ADAMTS17: variants seen among roughly 807,000 people sequenced by gnomAD.
The protein encoded by ADAMTS17 is A disintegrin and metalloproteinase with thrombospondin motifs 17.
In ADAMTS17, 113 loss-of-function variants were observed where a neutral mutation model predicts 141.5. The observed-to-expected ratio is 0.80, with a 90% confidence interval of 0.69 to 0.93. The LOEUF (loss-of-function observed/expected upper bound fraction) is 0.93, where lower values mean the gene tolerates loss of function less well. Among genes scored for constraint, ADAMTS17 ranks in the 40% least tolerant of loss-of-function variants. The pLI is 0.00. For synonymous variants in ADAMTS17, 768 were observed against 630.6 expected (o/e 1.22, Z -3.27); for missense variants, 1,659 against 1,517.9 (o/e 1.09, Z -1.54).
chr15:100,157,531 A>G (rs575870126), intron 8 of ADAMTS17, among the ~76,000 whole-genome samples: 1 of 152,216 alleles, frequency 6.6e-6, no homozygotes, highest in African/African-American at 2.4e-5. Flanking sequence ...CGTGGTCTGG[A>G]CTGCTATCAA....
Position 100,049,078 on chromosome 15 carries a change from G to C in ADAMTS17, c.2456-86C>G, listed in dbSNP as rs901274054. The C allele has an allele frequency of 9.4e-6, 15 of 1,600,410 alleles. No individual in the cohort carries two copies. In the African/African-American group the frequency reaches 1.3e-4, roughly 14 times the overall value. ...CTTGCATGCCCATGAAAGCATGTTT[G>C]GGTGCTGCTGATGGTCACTTGGTCA... On this transcript the variant is annotated intron_variant, in intron 17 of 21. Coordinates refer to ENST00000268070, the MANE Select transcript of ADAMTS17 (RefSeq NM_139057.4).
At chr15:100,304,831 C>T (rs1475636625) in intron 3 of ADAMTS17, among the ~76,000 whole-genome samples, 1 of 152,220 alleles carries the variant, frequency 6.6e-6, no homozygotes. Context: ...CCACCCAAGA[C>T]AGCAAGACCA....
At chr15:100,128,377 G>A (rs564843086) in intron 12 of ADAMTS17, 1 of 152,334 alleles carries the variant, frequency 6.6e-6, no homozygotes, top group African/African-American at 2.4e-5. Context: ...GAATGCTGCA[G>A]GCTCTTTCTG....
chr15:99,976,055 G>A lies in ADAMTS17; in HGVS notation c.3117C>T (p.Ser1039=), dbSNP rs1399363217. 10 of 1,550,728 alleles carry A rather than the reference G, an allele frequency of 6.4e-6. No individual in the cohort carries two copies. Among genetic ancestry groups the A allele is most frequent in the Non-Finnish European group, 8.7e-6 (10 of 1,146,468 alleles). ...AGTGAAGACACTCACCAAGGCGGGG[G>A]GAGGTGATGGTGTTGGCGTTGATCC... The part of the protein sequence containing the change: ...NDRINANTIT[S]PRLAALTYKC... The change falls in exon 21 of 22, where the codon TCC becomes TCT. Residue 1039 remains serine (S), a synonymous_variant. Coordinates refer to ENST00000268070, the MANE Select transcript of ADAMTS17 (RefSeq NM_139057.4).
Position 100,155,226 on chromosome 15 carries a change from G to A in ADAMTS17, c.1276C>T (p.Leu426Phe). 6.2e-7 allele frequency: 1 copy of A among 1,614,204 alleles called. No homozygotes were observed. Among genetic ancestry groups the A allele is most frequent in the Non-Finnish European group, 8.5e-7 (1 of 1,180,046 alleles). ...TCTCGGCTGCAGGAGGACCAAGAGA[G>A]GTCACTTGGGTTCCGGCCTTTCACC... ...EWVKGRNPSD[L>F]SWSSCSRDDL... Residue 426 changes from leucine to phenylalanine, a missense_variant, in exon 9 of 22, where the codon CTC becomes TTC. By Grantham distance (22) the Leu-to-Phe change is conservative. Coordinates refer to ENST00000268070, the MANE Select transcript of ADAMTS17 (RefSeq NM_139057.4).
At chr15:100,097,487 C>T (rs2035834272) in intron 14 of ADAMTS17, among the ~76,000 whole-genome samples, 1 of 152,198 alleles carries the variant, frequency 6.6e-6, no homozygotes, top group African/African-American at 2.4e-5. Context: ...ACAGGTACTC[C>T]CACCTGCAGG....
At chr15:100,106,795 G>A (rs747775180) in intron 14 of ADAMTS17, among the ~76,000 whole-genome samples, 5 of 152,190 alleles carry the variant, frequency 3.3e-5, no homozygotes, top group Non-Finnish European at 7.3e-5. Flanking sequence ...CCTGCACTTG[G>A]CTGGTTAGAA....
At chr15:100,156,025 G>T (rs1227704466) in intron 8 of ADAMTS17, among the ~76,000 whole-genome samples, 1 of 152,182 alleles carries the variant, frequency 6.6e-6, no homozygotes, top group Non-Finnish European at 1.5e-5. Context: ...GCCCCAACGT[G>T]TATAAGGATG....
intron 15 of ADAMTS17, among the ~76,000 whole-genome samples, chr15:100,065,740 C>T (rs1018946241): frequency 4.2e-4 from 64 of 152,128 alleles, no homozygotes; most frequent in Admixed American, 1.3e-4. Context: ...TTCTGGGATA[C>T]ATGTGCTGAA....
intron 14 of ADAMTS17, among the ~76,000 whole-genome samples, chr15:100,098,995 G>A (rs149542559): frequency 3.2e-4 from 48 of 152,304 alleles, no homozygotes; most frequent in Non-Finnish European, 5.0e-4. Context: ...TGGTAGGAGT[G>A]AGTCTCTGGC....
chr15:100,101,030 T>A (rs981080217), intron 14 of ADAMTS17, among the ~76,000 whole-genome samples: 1 of 152,158 alleles, frequency 6.6e-6, no homozygotes, highest in Admixed American at 6.5e-5. Flanking sequence ...ATAGCTAAGA[T>A]CGCTTCACTC....
At chr15:100,165,391 C>T (rs962414677) in intron 8 of ADAMTS17, among the ~76,000 whole-genome samples, 4 of 152,128 alleles carry the variant, frequency 2.6e-5, no homozygotes, top group Non-Finnish European at 4.4e-5. Flanking sequence ...AGCGTGCCTC[C>T]CCCCAATGCC....
rs2046353493 is a variant in ADAMTS17, at chr15:100,341,158, C to T, written c.331G>A (p.Glu111Lys). ...CCGCGGCGCCGGGCCGCGCCCGCCT[C>T]CTCCACCTCGAAGCCTCGGGACAGG... ...RFLSRGFEVE[E>K]AGAARRRGRP... is the part of the protein sequence containing the mutation. Residue 111 changes from glutamate (E) to lysine (K), a missense_variant, in exon 2 of 22, where the codon GAG (glutamate) becomes AAG (lysine). By Grantham distance (56) the Glu-to-Lys change is moderately conservative (BLOSUM62 1). Transcript: ENST00000268070. The T allele has an allele frequency of 4.8e-6, 7 of 1,462,386 alleles. No homozygotes were observed. The highest frequency in any genetic ancestry group is 4.8e-5 in the Admixed American group (2 of 41,678). The allele number at this position is 1,462,386 out of a possible 1,614,324, so 90.6% of individuals were successfully genotyped here.
intron 8 of ADAMTS17, among the ~76,000 whole-genome samples, chr15:100,162,154 C>T (rs1033481617): frequency 9.2e-5 from 14 of 152,008 alleles, no homozygotes; most frequent in African/African-American, 3.1e-4. Flanking sequence ...AACACTCATA[C>T]AATACACACA....
intron 8 of ADAMTS17, among the ~76,000 whole-genome samples, chr15:100,185,775 T>C (rs2040692724): frequency 6.6e-6 from 1 of 152,180 alleles, no homozygotes; most frequent in Non-Finnish European, 1.5e-5. Flanking sequence ...TCCAGCCGTT[T>C]CCTTCATCAT....
intron 18 of ADAMTS17, among the ~76,000 whole-genome samples, chr15:100,000,137 T>C (rs1047949990): frequency 2.6e-5 from 4 of 152,152 alleles, no homozygotes; most frequent in Non-Finnish European, 4.4e-5. Flanking sequence ...ATTGCTGTCA[T>C]TGTCTCCTTG....
chr15:100,001,032 G>GTCAAGAAAGCTATA (rs573453451), intron 18 of ADAMTS17, among the ~76,000 whole-genome samples: 242 of 152,162 alleles, frequency 1.6e-3, no homozygotes, highest in African/African-American at 5.6e-3. Context: ...TGGGGGCTAT[G>GTCAAGAAAGCTATA]GTCAAGAAAA....
In ADAMTS17 at chr15:99,983,054, TAG is replaced by T. The variant is rs1490388198; in HGVS notation, c.2950-6834_2950-6833del. Among the ~76,000 whole-genome samples, 5 of 152,204 alleles carry T rather than the reference TAG, an allele frequency of 3.3e-5. 1 individual carries two copies. The South Asian group carries it at 8.3e-4, about 25-fold the overall frequency. On this transcript the variant is annotated intron_variant, in intron 20 of 21. Transcript: ENST00000268070. ...TGTGTAAAAGAGATTTTCCTTTAGGTAGAGTTTCCGGCAAAAAGAGAAAAGGT... is the reference window on the plus strand; with the variant it reads ...TGTGTAAAAGAGATTTTCCTTTAGGTAGTTTCCGGCAAAAAGAGAAAAGGT...
Position 99,974,355 on chromosome 15 carries a change from G to GC in ADAMTS17, c.*46_*47insG. On this transcript the variant is annotated 3_prime_UTR_variant, in exon 22 of 22. Transcript: ENST00000268070. Reference sequence around the variant, plus strand: ...AGGCTGGTAGGCTTGCGGGTGGGTGGGTTTCAGACCTGAGTCTGAGCTTTG... The same window carrying GC: ...AGGCTGGTAGGCTTGCGGGTGGGTGGCGTTTCAGACCTGAGTCTGAGCTTTG... 1.2e-6 allele frequency: 2 copies of GC among 1,612,536 alleles called. No individual in the cohort carries two copies. The highest frequency in any genetic ancestry group is 8.5e-7 in the Non-Finnish European group (1 of 1,179,724).
Sources: gnomAD v4.1 joint callset for allele counts (sites outside exome capture counted in the v4.1 genomes callset) on GRCh38, gnomAD v4.1.1 for gene constraint, MANE v1.5 for transcripts, NCBI Gene and HGNC (gene_info 2026-07-23, HGNC 2026-07-21) for gene names.